The following DLG2 variants were observed in gnomAD, a reference collection of about 807,000 sequenced individuals.
DLG2 encodes disks large homolog 2.
Under a neutral mutation model 132.5 loss-of-function variants are expected in DLG2, and 45 were observed. The observed-to-expected ratio is 0.34, with a 90% CI of 0.27 to 0.44. The LOEUF is 0.44. Ranked by LOEUF, DLG2 falls within the 20% of genes least tolerant of loss-of-function variation. The pLI is 1.00. For missense variants in DLG2, 1,045 were observed against 1,196.9 expected (o/e 0.87, Z 1.87); for synonymous variants, 424 against 419.6 (o/e 1.01, Z -0.13).
intron 7 of DLG2, among the ~76,000 whole-genome samples, chr11:84,475,054 A>C (rs2099117957): frequency 6.6e-6 from 1 of 152,120 alleles, no homozygotes; most frequent in South Asian, 2.1e-4. Flanking sequence ...TATGACCATA[A>C]AATCTGCTAG....
At chr11:84,769,417 A>G (rs562387517) in intron 6 of DLG2, among the ~76,000 whole-genome samples, 1 of 152,318 alleles carries the variant, frequency 6.6e-6, no homozygotes, top group South Asian at 2.1e-4. Context: ...TTTTCAAATT[A>G]ACCCAGTCAG....
intron 18 of DLG2, among the ~76,000 whole-genome samples, chr11:83,748,711 C>T (rs12287539): frequency 0.031 from 4,709 of 152,298 alleles, 251 homozygotes; most frequent in African/African-American, 0.11. Flanking sequence ...GAACTCTCAT[C>T]TTTGTCCATT....
chr11:84,615,384 C>T (rs1248339382), intron 6 of DLG2, among the ~76,000 whole-genome samples: 2 of 152,060 alleles, frequency 1.3e-5, no homozygotes, highest in Non-Finnish European at 2.9e-5. Flanking sequence ...CTAATTACTG[C>T]TCTTGGTCAC....
At chr11:84,063,384 CAA>C (rs934886065) in intron 10 of DLG2, among the ~76,000 whole-genome samples, 1 of 152,230 alleles carries the variant, frequency 6.6e-6, no homozygotes, top group Admixed American at 6.5e-5. Context: ...AGCCCGTATT[CAA>C]AGAGTCACAT....
intron 21 of DLG2, among the ~76,000 whole-genome samples, chr11:83,529,508 G>A (rs2095686678): frequency 6.6e-6 from 1 of 151,964 alleles, no homozygotes. Flanking sequence ...AAAAATCATT[G>A]AATCCAGTAA....
intron 6 of DLG2, among the ~76,000 whole-genome samples, chr11:84,849,110 G>C (rs150903001): frequency 6.6e-6 from 1 of 152,244 alleles, no homozygotes; most frequent in East Asian, 1.9e-4. Flanking sequence ...GAGGTTATGA[G>C]AGGAACCTCA....
At chr11:85,040,542 A>G (rs975712600) in intron 6 of DLG2, among the ~76,000 whole-genome samples, 6 of 151,988 alleles carry the variant, frequency 3.9e-5, no homozygotes, top group Admixed American at 6.6e-5. Context: ...TAATATGAGT[A>G]GCAACTAACA....
rs1206899111 is a variant in DLG2 at position 84,044,575 on chromosome 11, T to C, written c.919+14740A>G. Among the ~76,000 whole-genome samples the C allele has an allele frequency of 2.6e-5, 4 of 151,796 alleles. No individual in the cohort carries two copies. In the East Asian group the frequency reaches 7.8e-4, roughly 30 times the overall value. On this transcript the variant is annotated intron_variant, in intron 11 of 27. Transcript: ENST00000376104. ...TAGAGGCTACAGGCAAGTGTGTCAT[T>C]TTTCTTGTAAGACCCCAATTCTGTT...
intron 6 of DLG2, among the ~76,000 whole-genome samples, chr11:84,740,040 C>T (rs577894680): frequency 2.0e-5 from 3 of 151,688 alleles, no homozygotes; most frequent in South Asian, 2.1e-4. Flanking sequence ...TTTACCCTAA[C>T]GTTCAGAAAT....
At chr11:85,590,448 C>T (rs2079239811) in intron 3 of DLG2, among the ~76,000 whole-genome samples, 1 of 152,258 alleles carries the variant, frequency 6.6e-6, no homozygotes, top group East Asian at 1.9e-4. Flanking sequence ...AATAAATACT[C>T]ATTTCCTTGG....
intron 3 of DLG2, among the ~76,000 whole-genome samples, chr11:85,384,810 G>A (rs2086192110): frequency 6.6e-6 from 1 of 152,094 alleles, no homozygotes; most frequent in Non-Finnish European, 1.5e-5. Flanking sequence ...GTCCTTGAGT[G>A]ATCCACCCAC....
intron 7 of DLG2, among the ~76,000 whole-genome samples, chr11:84,448,052 T>A (rs1004112451): frequency 6.6e-6 from 1 of 152,114 alleles, no homozygotes. Context: ...AGATGCCTAA[T>A]TTAATAATTT....
At chr11:84,622,356 C>A (rs2099615514) in intron 6 of DLG2, among the ~76,000 whole-genome samples, 1 of 152,140 alleles carries the variant, frequency 6.6e-6, no homozygotes, top group Non-Finnish European at 1.5e-5. Context: ...TGCTATACAA[C>A]ATGCTCTGAC....
At chr11:85,065,871 G>A (rs547381323) in intron 6 of DLG2, among the ~76,000 whole-genome samples, 1 of 151,110 alleles carries the variant, frequency 6.6e-6, no homozygotes, top group Non-Finnish European at 1.5e-5. Flanking sequence ...AAAATAGAAA[G>A]ATCTCAAATT....
intron 6 of DLG2, among the ~76,000 whole-genome samples, chr11:84,710,022 C>T (rs74584123): frequency 0.01 from 1,557 of 152,076 alleles, 32 homozygotes; most frequent in African/African-American, 0.036. Flanking sequence ...TTTTAAACTA[C>T]TGTATGGGCC....
intron 6 of DLG2, among the ~76,000 whole-genome samples, chr11:84,859,417 T>TATACATATACATATATATGTATATATAC (rs1284646562): frequency 4.1e-5 from 6 of 144,672 alleles, no homozygotes; most frequent in Non-Finnish European, 6.0e-5. Context: ...CATATATATG[T>TATACATATACATATATATGTATATATAC]ATACATATAC....
chr11:84,818,467 A>G (rs1384828303), intron 6 of DLG2, among the ~76,000 whole-genome samples: 1 of 151,612 alleles, frequency 6.6e-6, no homozygotes, highest in Non-Finnish European at 1.5e-5. Flanking sequence ...ATAAATTTAT[A>G]TTTATTTTCC....
In DLG2 at chr11:84,749,808, C is replaced by T. The variant is rs1311328844; in HGVS notation, c.358-215077G>A. Among the ~76,000 whole-genome samples the T allele has an allele frequency of 5.9e-5, 9 of 152,052 alleles. No individual in the cohort carries two copies. The East Asian group carries it at 1.4e-3, about 23-fold the overall frequency. ...TTAATCTCAGGCCCTTTGGATTCCC[C>T]CTGCTGTTGGTTTCCTCTACGTGTT... On this transcript the variant is annotated intron_variant, in intron 6 of 27. Transcript: ENST00000376104.
chr11:83,676,662 G>T (rs1252296192), intron 18 of DLG2, among the ~76,000 whole-genome samples: 3 of 152,166 alleles, frequency 2.0e-5, no homozygotes, highest in African/African-American at 7.2e-5. Context: ...GGAAAGCAAG[G>T]GTGCAAGGTT....
Sources: gnomAD v4.1 joint callset for allele counts (sites outside exome capture counted in the v4.1 genomes callset) on GRCh38, gnomAD v4.1.1 for gene constraint, MANE v1.5 for transcripts, NCBI Gene and HGNC (gene_info 2026-07-23, HGNC 2026-07-21) for gene names.